GRIK1: variants seen among roughly 807,000 people sequenced by gnomAD.
GRIK1 encodes the protein glutamate receptor ionotropic, kainate 1.
GRIK1 carries 69 observed loss-of-function variants against 105.7 expected under a neutral mutation model. The ratio of observed to expected loss-of-function variants is 0.65; its 90% CI spans 0.54 to 0.80. The LOEUF is 0.80. GRIK1 is among the 30% of genes least tolerant of loss of function. GRIK1 has a pLI of 0.00. For missense variants in GRIK1, 1,109 were observed against 1,167.3 expected, an observed-to-expected ratio of 0.95 and a Z score of 0.73; for synonymous variants, 438 against 431.3, an observed-to-expected ratio of 1.02 and a Z score of -0.19.
intron 1 of GRIK1, among the ~76,000 whole-genome samples, chr21:29,911,427 A>C (rs1263731556): frequency 6.6e-6 from 1 of 152,086 alleles, no homozygotes; most frequent in Non-Finnish European, 1.5e-5. Context: ...TGGTGACACT[A>C]TGCAGCCACG....
chr21:29,848,948 T>C (rs1401356027), intron 1 of GRIK1, among the ~76,000 whole-genome samples: 1 of 151,806 alleles, frequency 6.6e-6, no homozygotes, highest in Non-Finnish European at 1.5e-5. Context: ...GCCAAATGTT[T>C]CTTTATCATA....
chr21:29,776,114 C>G (rs1257179329), intron 1 of GRIK1, among the ~76,000 whole-genome samples: 1 of 152,194 alleles, frequency 6.6e-6, no homozygotes, highest in Non-Finnish European at 1.5e-5. Flanking sequence ...AACTCTCTCA[C>G]TGTCATGAAT....
intron 16 of GRIK1, among the ~76,000 whole-genome samples, chr21:29,549,878 G>A (rs1215903187): frequency 6.6e-6 from 1 of 151,716 alleles, no homozygotes; most frequent in East Asian, 1.9e-4. Flanking sequence ...GGGCCGAGGC[G>A]GGTGGATCAC....
At chr21:29,813,503 A>T (rs961676441) in intron 1 of GRIK1, among the ~76,000 whole-genome samples, 2 of 152,158 alleles carry the variant, frequency 1.3e-5, no homozygotes, top group African/African-American at 2.4e-5. Context: ...TTTCTTAAGA[A>T]ACCAGGTTTC....
intron 1 of GRIK1, among the ~76,000 whole-genome samples, chr21:29,869,665 T>A (rs468250): frequency 0.57 from 87,255 of 152,072 alleles, 28,595 homozygotes; most frequent in Non-Finnish European, 0.74. Flanking sequence ...CACTCTTAAG[T>A]GTAAACCCCT....
chr21:29,903,425 C>T (rs867430895), intron 1 of GRIK1, among the ~76,000 whole-genome samples: 4 of 152,022 alleles, frequency 2.6e-5, no homozygotes, highest in African/African-American at 7.3e-5. Flanking sequence ...AGAACTTAAA[C>T]AAATTTACAA....
chr21:29,737,868 A>G (rs1289113784), intron 1 of GRIK1, among the ~76,000 whole-genome samples: 1 of 152,274 alleles, frequency 6.6e-6, no homozygotes, highest in Admixed American at 6.5e-5. Flanking sequence ...GAAGTATTTT[A>G]CATCCCATAA....
intron 12 of GRIK1, among the ~76,000 whole-genome samples, chr21:29,586,956 A>G (rs1219857421): frequency 6.6e-6 from 1 of 152,140 alleles, no homozygotes; most frequent in African/African-American, 2.4e-5. Context: ...TTTATTTGCT[A>G]TGATAATTCT....
At chr21:29,726,964 C>CT (rs1163243392) in intron 1 of GRIK1, among the ~76,000 whole-genome samples, 2 of 152,036 alleles carry the variant, frequency 1.3e-5, no homozygotes, top group African/African-American at 4.8e-5. Context: ...GGGTCTCACT[C>CT]TGTCACCCAG....
At chr21:29,679,606 C>G (rs1266843048) in intron 3 of GRIK1, among the ~76,000 whole-genome samples, 4 of 152,162 alleles carry the variant, frequency 2.6e-5, no homozygotes, top group Admixed American at 6.5e-5. Context: ...TTTCTGATAT[C>G]ATTCTTATTT....
In GRIK1 at chr21:29,829,837, G is replaced by T. The variant is rs73897859; in HGVS notation, c.118+109546C>A. ...TCACATCCAGTAACATTTATAATCA[G>T]AAAGAATAGAAACATTTTCACAGAG... On this transcript the variant is annotated intron_variant, in intron 1 of 17. Transcript: ENST00000327783. Among the ~76,000 whole-genome samples, 1,397 of 152,062 alleles carry T rather than the reference G, an allele frequency of 9.2e-3. 19 individuals are homozygous for T. The highest frequency in any genetic ancestry group is 0.032 in the African/African-American group (1,324 of 41,488).
At position 29,580,854 on chromosome 21, in the gene GRIK1, G is replaced by T. The variant is rs115949135; in HGVS notation, c.1912+571C>A. On this transcript the variant is annotated intron_variant, in intron 13 of 17. Coordinates refer to ENST00000327783, the MANE Select transcript of GRIK1 (RefSeq NM_001330994.2). ...CAGAATCCCCGAATTCATAGGAAATGTATAAAATATATTACATTTCTATGG... is the reference window on the plus strand; with the variant it reads ...CAGAATCCCCGAATTCATAGGAAATTTATAAAATATATTACATTTCTATGG... 3.8e-3 allele frequency among the ~76,000 whole-genome samples: 578 copies of T among 152,162 alleles called. 3 individuals carry two copies. Among genetic ancestry groups the T allele is most frequent in the African/African-American group, 0.013 (548 of 41,510 alleles).
chr21:29,827,316 T>C (rs2067488888), intron 1 of GRIK1, among the ~76,000 whole-genome samples: 1 of 152,116 alleles, frequency 6.6e-6, no homozygotes, highest in African/African-American at 2.4e-5. Flanking sequence ...TATTAAAACC[T>C]AATAGAAGAA....
chr21:29,892,837 T>C (rs2069953182), intron 1 of GRIK1, among the ~76,000 whole-genome samples: 1 of 152,248 alleles, frequency 6.6e-6, no homozygotes, highest in South Asian at 2.1e-4. Context: ...AAAGTATTTT[T>C]TGTTTTGTTT....
intron 7 of GRIK1, among the ~76,000 whole-genome samples, chr21:29,608,813 T>C (rs1004804217): frequency 2.0e-5 from 3 of 152,110 alleles, no homozygotes; most frequent in Non-Finnish European, 2.9e-5. Flanking sequence ...AAACAGTCAT[T>C]GGTATAGACT....
intron 1 of GRIK1, among the ~76,000 whole-genome samples, chr21:29,898,293 T>A (rs2070249647): frequency 6.6e-6 from 1 of 152,140 alleles, no homozygotes; most frequent in African/African-American, 2.4e-5. Flanking sequence ...CAGCCAACAT[T>A]CCTAAGTGCT....
intron 1 of GRIK1, among the ~76,000 whole-genome samples, chr21:29,848,755 G>GTGTA (rs773386863): frequency 4.1e-4 from 37 of 91,224 alleles, no homozygotes; most frequent in Middle Eastern, 9.4e-3. Flanking sequence ...AGTTGTGTGT[G>GTGTA]TATATATATA....
At chr21:29,730,023 A>T (rs544479450) in intron 1 of GRIK1, among the ~76,000 whole-genome samples, 1 of 152,326 alleles carries the variant, frequency 6.6e-6, no homozygotes, top group South Asian at 2.1e-4. Context: ...TGTCATAATC[A>T]CTACATTTTC....
intron 1 of GRIK1, among the ~76,000 whole-genome samples, chr21:29,783,618 G>A (rs1017145483): frequency 6.6e-6 from 1 of 152,098 alleles, no homozygotes; most frequent in African/African-American, 2.4e-5. Context: ...AGTGAGATCA[G>A]TAACATAGGG....
Sources: gnomAD v4.1 joint callset for allele counts (sites outside exome capture counted in the v4.1 genomes callset) on GRCh38, gnomAD v4.1.1 for gene constraint, MANE v1.5 for transcripts, NCBI Gene and HGNC (gene_info 2026-07-23, HGNC 2026-07-21) for gene names.